Variants in SLCO3A1 observed in about 807,000 individuals in gnomAD.
SLCO3A1 encodes the protein solute carrier organic anion transporter family member 3A1.
SLCO3A1 carries 27 observed loss-of-function variants against 63.1 expected under a neutral mutation model. That is an observed-to-expected ratio of 0.43 (90% CI 0.32 to 0.59). The LOEUF (loss-of-function observed/expected upper bound fraction) is 0.59, where lower values mean the gene tolerates loss of function less well. SLCO3A1 is among the 20% of genes least tolerant of loss of function. The pLI, the probability that SLCO3A1 is intolerant of heterozygous loss-of-function variation, is 0.09. For synonymous variants in SLCO3A1, 473 were observed against 409.9 expected (o/e 1.15, Z -1.86); for missense variants, 773 against 945.8 (o/e 0.82, Z 2.40).
rs1898531994 is a variant in SLCO3A1, at chr15:91,912,975, T to C, written c.181-3018T>C. 6.6e-6 allele frequency among the ~76,000 whole-genome samples: 1 copy of C among 152,242 alleles called. No individual in the cohort carries two copies. The highest frequency in any genetic ancestry group is 6.5e-5 in the Admixed American group (1 of 15,286). On this transcript the variant is annotated intron_variant, in intron 1 of 9. Coordinates refer to ENST00000318445, the MANE Select transcript of SLCO3A1 (RefSeq NM_013272.4). This position sits in a 1 kb window ranked among gnomAD's most constrained non-coding sequence, Gnocchi z 5.0. ...TATAAACCTCTGGTAAATCATTTATTCCATCATGTATGTATGTTTGTTTGT... is the reference window on the plus strand; with the variant it reads ...TATAAACCTCTGGTAAATCATTTATCCCATCATGTATGTATGTTTGTTTGT...
At chr15:92,069,475 T>C (rs2047190886) in intron 2 of SLCO3A1, among the ~76,000 whole-genome samples, 1 of 152,200 alleles carries the variant, frequency 6.6e-6, no homozygotes, top group Admixed American at 6.5e-5. Flanking sequence ...CTTATGTTGG[T>C]AGCAAACAGC....
At chr15:92,102,836 G>A (rs1482789560) in intron 3 of SLCO3A1, among the ~76,000 whole-genome samples, 1 of 152,208 alleles carries the variant, frequency 6.6e-6, no homozygotes, top group African/African-American at 2.4e-5. Flanking sequence ...AGGGGCAGTG[G>A]AACAGAAAGG....
chr15:92,103,629 A>G (rs149461647), intron 3 of SLCO3A1, among the ~76,000 whole-genome samples: 3 of 152,142 alleles, frequency 2.0e-5, no homozygotes, highest in African/African-American at 7.2e-5. Flanking sequence ...TGAGCATTTT[A>G]TGTCTGGTGT....
At chr15:92,166,540 T>A (rs910107378), downstream of SLCO3A1, among the ~76,000 whole-genome samples, 2 of 152,152 alleles carry the variant, frequency 1.3e-5, no homozygotes, top group African/African-American at 4.8e-5. Context: ...GTCCAGTAAT[T>A]GCCCTCCAGC....
At chr15:92,012,013 C>A (rs572695119) in intron 2 of SLCO3A1, among the ~76,000 whole-genome samples, 1 of 152,196 alleles carries the variant, frequency 6.6e-6, no homozygotes, top group Admixed American at 6.5e-5. Flanking sequence ...AGCACATGAG[C>A]GGGGACTGAA....
At chr15:92,101,978 T>C (rs748980681) in intron 3 of SLCO3A1, among the ~76,000 whole-genome samples, 8 of 152,064 alleles carry the variant, frequency 5.3e-5, no homozygotes, top group Non-Finnish European at 1.2e-4. Flanking sequence ...TCTCCCTGGG[T>C]TGTTTTCTCA....
intron 2 of SLCO3A1, among the ~76,000 whole-genome samples, chr15:91,952,344 T>C (rs1311290999): frequency 6.6e-6 from 1 of 152,232 alleles, no homozygotes; most frequent in Non-Finnish European, 1.5e-5. Flanking sequence ...TACCTTTCAC[T>C]AGAATATTAT....
chr15:92,057,880 T>C (rs1488469556), intron 2 of SLCO3A1, among the ~76,000 whole-genome samples: 5 of 152,316 alleles, frequency 3.3e-5, no homozygotes, highest in African/African-American at 1.2e-4. Context: ...TTGATGATGG[T>C]TAATAATAAT....
intron 1 of SLCO3A1, 123 bp from the exon 2 acceptor site, chr15:91,915,869 TG>T: frequency 1.3e-6 from 1 of 765,132 alleles, no homozygotes; most frequent in Non-Finnish European, 2.2e-6. Flanking sequence ...TTTTTGCACC[TG>T]GCACCGGAGG....
chr15:91,943,783 T>G (rs1899704046), intron 2 of SLCO3A1, among the ~76,000 whole-genome samples: 1 of 152,170 alleles, frequency 6.6e-6, no homozygotes, highest in African/African-American at 2.4e-5. Flanking sequence ...ATGTATTCCC[T>G]CCATCTGTGC....
At chr15:92,115,772 T>C (rs2047786968) in intron 4 of SLCO3A1, among the ~76,000 whole-genome samples, 1 of 136,794 alleles carries the variant, frequency 7.3e-6, no homozygotes, top group Admixed American at 8.3e-5. Flanking sequence ...TTCTTCCTTT[T>C]ATTAATATTT....
chr15:92,163,787 G>C lies in SLCO3A1; in HGVS notation c.*652G>C, dbSNP rs1489606173. The C allele has an allele frequency of 1.0e-6, 1 of 985,322 alleles. No homozygotes were observed. The highest frequency in any genetic ancestry group is 1.2e-6 in the Non-Finnish European group (1 of 830,026). The allele number at this position is 985,322 out of a possible 1,614,324, so 61.0% of individuals were successfully genotyped here. On this transcript the variant is annotated 3_prime_UTR_variant, in exon 10 of 10. Transcript: ENST00000318445. The stretch of plus-strand genomic sequence containing the variant: ...TCTCAGTGATGCTAATGGGTGATCC[G>C]TGCTGGAGTTTGTAATTGGCACCTC...
At chr15:92,012,635 G>T (rs2046381293) in intron 2 of SLCO3A1, among the ~76,000 whole-genome samples, 1 of 151,948 alleles carries the variant, frequency 6.6e-6, no homozygotes, top group East Asian at 1.9e-4. Flanking sequence ...GAGAGCACTG[G>T]CTCACACCCG....
chr15:92,074,229 C>T (rs1053337524), intron 2 of SLCO3A1, among the ~76,000 whole-genome samples: 2 of 152,182 alleles, frequency 1.3e-5, no homozygotes, highest in Non-Finnish European at 2.9e-5. Context: ...CAGAACTAAA[C>T]AGTCATTTTC....
At chr15:92,134,996 GC>G (rs1365200703) in intron 7 of SLCO3A1, among the ~76,000 whole-genome samples, 35 of 152,216 alleles carry the variant, frequency 2.3e-4, no homozygotes, top group Non-Finnish European at 5.9e-5. Context: ...GCTCACTTGA[GC>G]CCAGGAGTTG....
intron 2 of SLCO3A1, among the ~76,000 whole-genome samples, chr15:92,020,185 G>A (rs372998214): frequency 1.3e-5 from 2 of 151,958 alleles, no homozygotes; most frequent in Non-Finnish European, 2.9e-5. Context: ...GTGTATATGC[G>A]ATGTGTGCAT....
chr15:92,162,792 T>A lies in SLCO3A1; in HGVS notation c.1790T>A (p.Ile597Asn), dbSNP rs2048455904. The change falls in exon 10 of 10, where the codon ATC (isoleucine) becomes AAC (asparagine). Residue 597 changes from isoleucine (I) to asparagine (N), a missense_variant. Transcript: ENST00000318445. ...CCACCCCTCATCTTCGGGGCTGGCA[T>A]CGACTCCACCTGCCTGTTCTGGAGC... ...IPPPLIFGAG[I>N]DSTCLFWSTF... 6.2e-7 allele frequency: 1 copy of A among 1,614,008 alleles called. No individual in the cohort carries two copies. The highest frequency in any genetic ancestry group is 1.3e-5 in the African/African-American group (1 of 75,044).
In SLCO3A1 at chr15:92,112,958, G is replaced by T. The variant is rs1030966833; in HGVS notation, c.1010-7507G>T. Among the ~76,000 whole-genome samples, 8 of 152,326 alleles carry T rather than the reference G, an allele frequency of 5.3e-5. No individual in the cohort carries two copies. In the South Asian group the frequency reaches 1.5e-3, roughly 28 times the overall value. On this transcript the variant is annotated intron_variant, in intron 4 of 9. Transcript: ENST00000318445. ...GTTGGAGTTTTCATGAATGCCAAATGCAGTCAGCCTTGCTGCCATGGAGGT... is the reference window on the plus strand; with the variant it reads ...GTTGGAGTTTTCATGAATGCCAAATTCAGTCAGCCTTGCTGCCATGGAGGT...
intron 5 of SLCO3A1, among the ~76,000 whole-genome samples, chr15:92,123,064 G>T (rs938402460): frequency 5.9e-5 from 9 of 152,280 alleles, no homozygotes; most frequent in African/African-American, 1.9e-4. Context: ...GTGTACAGAT[G>T]CAAAAGTTCA....
Sources: gnomAD v4.1 joint callset for allele counts (sites outside exome capture counted in the v4.1 genomes callset) on GRCh38, gnomAD v4.1.1 for gene constraint, Gnocchi (gnomAD v3.1) non-coding constraint, MANE v1.5 for transcripts, NCBI Gene and HGNC (gene_info 2026-07-23, HGNC 2026-07-21) for gene names.